The following ENG variants were observed in gnomAD, a reference collection of about 807,000 sequenced individuals.
The protein encoded by ENG is endoglin.
Under a neutral mutation model 71.0 loss-of-function variants are expected in ENG, and 17 were observed. That is an observed-to-expected ratio of 0.24 (90% CI 0.16 to 0.36). The LOEUF is 0.36. Among genes scored for constraint, ENG ranks in the 10% least tolerant of loss-of-function variants. The pLI is 1.00. For missense variants in ENG, 749 were observed against 868.3 expected (o/e 0.86, Z 1.73); for synonymous variants, 360 against 366.9 (o/e 0.98, Z 0.21).
Position 127,817,172 on chromosome 9 carries a change from T to C in ENG, c.1718A>G (p.Asn573Ser). 1 of 1,614,150 alleles carries C rather than the reference T, an allele frequency of 6.2e-7. No individual in the cohort carries two copies. The highest frequency in any genetic ancestry group is 8.5e-7 in the Non-Finnish European group (1 of 1,180,022). Residue 573 changes from asparagine to serine, a missense_variant, in exon 13 of 15, where the codon AAC becomes AGC. Asn to Ser is a conservative substitution (Grantham distance 46). Coordinates refer to ENST00000373203, the MANE Select transcript of ENG (RefSeq NM_001114753.3). ...ACCAGACAGGTCAGGGCTGATGATGTTCAAGCGCATGAAGACAGTCCTATG... is the reference window on the plus strand; with the variant it reads ...ACCAGACAGGTCAGGGCTGATGATGCTCAAGCGCATGAAGACAGTCCTATG... Reference protein sequence around the residue: ...EVHRTVFMRLNIISPDLSGCT... With the variant: ...EVHRTVFMRLSIISPDLSGCT...
At chr9:127,842,169 G>A (rs1449443344) in intron 2 of ENG, among the ~76,000 whole-genome samples, 1 of 152,028 alleles carries the variant, frequency 6.6e-6, no homozygotes, top group Non-Finnish European at 1.5e-5. Context: ...TTCAGCAGGG[G>A]ACATTCCAGG....
At chr9:127,819,252 A>C in intron 10 of ENG, 1 of 285,292 alleles carries the variant, frequency 3.5e-6, no homozygotes, top group Non-Finnish European at 6.7e-6. Context: ...TTTTTTTTTT[A>C]AACTAATATT....
rs1019383366 is a variant in ENG, at chr9:127,815,600, G to A, written c.*82C>T. ...TCCATTCTGGGTCGAGTGGAGGACT[G>A]GCTCCCAGGGTGAGTTCACACCAGT... On this transcript the variant is annotated 3_prime_UTR_variant, in exon 15 of 15. Transcript: ENST00000373203. The A allele has an allele frequency of 2.6e-6, 4 of 1,510,442 alleles. No homozygotes were observed. The African/African-American group carries it at 4.1e-5, about 16-fold the overall frequency. 93.6% of individuals were successfully genotyped at this position (1,510,442 alleles called of 1,614,324 possible). A position where few individuals can be genotyped will look rare whatever the true frequency, so the allele number is the denominator to read the frequency against.
At chr9:127,821,019 T>G (rs2131880933) in intron 8 of ENG, among the ~76,000 whole-genome samples, 1 of 152,294 alleles carries the variant, frequency 6.6e-6, no homozygotes, top group South Asian at 2.1e-4. Context: ...GGTGATGGAC[T>G]GTGTATATGA....
In ENG at chr9:127,815,776, G is replaced by A. The variant is rs757113987; in HGVS notation, c.1883C>T (p.Ala628Val). 58 of 1,545,128 alleles carry A rather than the reference G, an allele frequency of 3.8e-5. No individual in the cohort carries two copies. The Middle Eastern group carries it at 6.2e-4, about 16-fold the overall frequency. Residue 628 changes from alanine to valine, a missense_variant, in exon 15 of 15, where the codon GCG (alanine) becomes GTG (valine). Coordinates refer to ENST00000373203, the MANE Select transcript of ENG (RefSeq NM_001114753.3). ...RSPSKREPVVAVAAPASSESS... is the reference protein window; with the variant it reads ...RSPSKREPVVVVAAPASSESS... ...CTCCGAGGAGGCCGGGGCAGCCACC[G>A]CCACCACGGGCTCCCGCTTGCTGGG... is the stretch of plus-strand genomic sequence containing the variant.
chr9:127,841,884 G>A (rs1320093985), intron 2 of ENG, among the ~76,000 whole-genome samples: 3 of 152,182 alleles, frequency 2.0e-5, no homozygotes, highest in African/African-American at 4.8e-5. Flanking sequence ...TCACTCCATC[G>A]CTCTCAGCCA....
intron 8 of ENG, among the ~76,000 whole-genome samples, chr9:127,821,828 A>G (rs1564454297): frequency 6.9e-6 from 1 of 144,864 alleles, no homozygotes; most frequent in Non-Finnish European, 1.5e-5. Context: ...GGTTTCAGTG[A>G]GCCGAGATTG....
At position 127,818,231 on chromosome 9, in the gene ENG, C is replaced by T. The variant is rs771948067; in HGVS notation, c.1575G>A (p.Glu525=). The part of the protein sequence containing the change: ...NCVSLLSPSP[E]GDPRFSFLLH... ...GGAGGAAGCTGAAGCGCGGGTCACC[C>T]TCGGGGCTTGGGGACAGCAGGCTCA... The change falls in exon 12 of 15, where the codon GAG becomes GAA. Residue 525 remains glutamate (E), a synonymous_variant. Transcript: ENST00000373203. 1 of 1,614,194 alleles carries T rather than the reference C, an allele frequency of 6.2e-7. No homozygotes were observed. Among genetic ancestry groups the T allele is most frequent in the South Asian group, 1.1e-5 (1 of 91,084 alleles).
At chr9:127,826,213 G>A (rs934048016) in intron 4 of ENG, among the ~76,000 whole-genome samples, 2 of 152,252 alleles carry the variant, frequency 1.3e-5, no homozygotes, top group Non-Finnish European at 2.9e-5. Context: ...GGCAGGGCCT[G>A]AGTGTGTCCC....
chr9:127,818,003 A>T, intron 12 of ENG, 117 bp downstream of exon 12: 1 of 1,540,352 alleles, frequency 6.5e-7, no homozygotes, highest in Non-Finnish European at 8.9e-7. Flanking sequence ...ATGCCTGATT[A>T]AGGCTCCGCC....
rs1588571594 is a variant in ENG, at chr9:127,815,443, G to A, written c.*239C>T. 5 of 694,978 alleles carry A rather than the reference G, an allele frequency of 7.2e-6. No individual in the cohort carries two copies. Among genetic ancestry groups the A allele is most frequent in the Admixed American group, 6.3e-5 (2 of 31,750 alleles). 43.1% of individuals were successfully genotyped at this position (694,978 alleles called of 1,614,324 possible). A position where few individuals can be genotyped will look rare whatever the true frequency, so the allele number is the denominator to read the frequency against. ...GCGTGGCAAGTGGTCTGTCTCCTGG[G>A]CAGCCATATCCCAGACCCACTGGGT... On this transcript the variant is annotated 3_prime_UTR_variant, in exon 15 of 15. Coordinates refer to ENST00000373203, the MANE Select transcript of ENG (RefSeq NM_001114753.3).
At chr9:127,827,395 G>A (rs1830646097) in intron 3 of ENG, among the ~76,000 whole-genome samples, 2 of 152,202 alleles carry the variant, frequency 1.3e-5, no homozygotes, top group African/African-American at 2.4e-5. Flanking sequence ...GGACAGGGAT[G>A]GGGAGTCTGG....
At chr9:127,816,230 A>G (rs1485064730) in intron 13 of ENG, 177 bp from the exon 14 acceptor site, 4 of 820,448 alleles carry the variant, frequency 4.9e-6, no homozygotes, top group Non-Finnish European at 7.9e-6. Context: ...CCTGGCATTG[A>G]GCCATGGTTG....
intron 1 of ENG, among the ~76,000 whole-genome samples, chr9:127,850,141 G>A (rs1049083956): frequency 3.3e-5 from 5 of 152,254 alleles, no homozygotes; most frequent in African/African-American, 1.2e-4. Flanking sequence ...CCAGAGCCAA[G>A]GGTAAACAGT....
intron 2 of ENG, among the ~76,000 whole-genome samples, chr9:127,837,960 A>C (rs1178877806): frequency 2.0e-5 from 3 of 152,136 alleles, no homozygotes; most frequent in African/African-American, 7.2e-5. Flanking sequence ...AATATTTGCA[A>C]GGCCTGAGAC....
At chr9:127,826,724 C>A in intron 3 of ENG, 52 bp from the exon 4 acceptor site, 7 of 1,606,734 alleles carry the variant, frequency 4.4e-6, no homozygotes, top group Non-Finnish European at 5.9e-6. Context: ...TGTGCCCTCT[C>A]TATCCCATGT....
chr9:127,844,915 C>T (rs951653783), intron 1 of ENG, among the ~76,000 whole-genome samples: 4 of 152,138 alleles, frequency 2.6e-5, no homozygotes, highest in African/African-American at 9.7e-5. Context: ...CAGGGCGAGC[C>T]GAGAAGGCGG....
At chr9:127,822,541 ATAC>A (rs1830491957) in intron 8 of ENG, 1 of 152,258 alleles carries the variant, frequency 6.6e-6, no homozygotes, top group Non-Finnish European at 1.5e-5. Flanking sequence ...CATATTTATA[ATAC>A]TACAGAATTG....
At position 127,817,965 on chromosome 9, in the gene ENG, G is replaced by A. The variant is rs937725446; in HGVS notation, c.1686+155C>T. On this transcript the variant is annotated intron_variant, in intron 12 of 14. Transcript: ENST00000373203. ...AGAAAGCTCTCGGGTGGCAGAAAGTGCTGCTGGCAGCCAGACTGCCAGGCC... is the reference window on the plus strand; with the variant it reads ...AGAAAGCTCTCGGGTGGCAGAAAGTACTGCTGGCAGCCAGACTGCCAGGCC... The A allele has an allele frequency of 2.3e-5, 28 of 1,241,112 alleles. No homozygotes were observed. The Admixed American group carries it at 6.0e-4, about 27-fold the overall frequency. 76.9% of individuals were successfully genotyped at this position (1,241,112 alleles called of 1,614,324 possible). A position where few individuals can be genotyped will look rare whatever the true frequency, so the allele number is the denominator to read the frequency against.
Sources: gnomAD v4.1 joint callset for allele counts (sites outside exome capture counted in the v4.1 genomes callset) on GRCh38, gnomAD v4.1.1 for gene constraint, MANE v1.5 for transcripts, NCBI Gene and HGNC (gene_info 2026-07-23, HGNC 2026-07-21) for gene names.